Variants in STK3 observed in about 807,000 individuals in gnomAD.
The protein encoded by STK3 is serine/threonine-protein kinase 3.
A neutral mutation model predicts 58.0 loss-of-function variants in STK3; 41 were observed. That is an observed-to-expected ratio of 0.71 (90% CI 0.55 to 0.92). The LOEUF is 0.92. Among genes scored for constraint, STK3 ranks in the 40% least tolerant of loss-of-function variants. The pLI, the probability that STK3 is intolerant of heterozygous loss-of-function variation, is 0.00. For synonymous variants in STK3, 170 were observed against 191.0 expected (o/e 0.89, Z 0.91); for missense variants, 479 against 602.7 (o/e 0.79, Z 2.15).
chr8:98,356,284 A>G, the STK3 span, among the ~76,000 whole-genome samples: 1 of 152,284 alleles, frequency 6.6e-6, no homozygotes, highest in East Asian at 1.9e-4. Context: ...AAGGAGCAAT[A>G]AAGTTGGAGA....
At chr8:98,893,438 G>GAAAC (rs1343900624) in intron 1 of STK3, among the ~76,000 whole-genome samples, 69 of 75,200 alleles carry the variant, frequency 9.2e-4, no homozygotes, top group African/African-American at 4.1e-3. Context: ...AAGAAAGAAA[G>GAAAC]AAAGAAAGAA....
chr8:98,741,814 C>G (rs984316179), intron 4 of STK3, among the ~76,000 whole-genome samples: 10 of 152,126 alleles, frequency 6.6e-5, no homozygotes, highest in Admixed American at 3.9e-4. Context: ...TTGAAAGGAT[C>G]ATCAAAATTG....
rs12550371 is a variant in STK3 at position 98,734,247 on chromosome 8, T to C, written c.351+15029A>G. Among the ~76,000 whole-genome samples the C allele has an allele frequency of 3.7e-4, 56 of 152,286 alleles. No individual in the cohort carries two copies. In the South Asian group the frequency reaches 5.0e-3, roughly 14 times the overall value. On this transcript the variant is annotated intron_variant, in intron 4 of 10. Coordinates refer to ENST00000419617, the MANE Select transcript of STK3 (RefSeq NM_006281.4). ...TGGGTGGGAACGTAGAGCTAAACCA[T>C]ATCAACTGACAAGTAAAATGTAAAG... is the stretch of plus-strand genomic sequence containing the variant.
intron 10 of STK3, among the ~76,000 whole-genome samples, chr8:98,516,378 G>A (rs1824935690): frequency 6.6e-6 from 1 of 151,996 alleles, no homozygotes; most frequent in Non-Finnish European, 1.5e-5. Context: ...CATATCGAAA[G>A]AGCTGCTACT....
At chr8:98,898,006 T>A (rs1294402047) in intron 1 of STK3, among the ~76,000 whole-genome samples, 1 of 152,222 alleles carries the variant, frequency 6.6e-6, no homozygotes, top group East Asian at 1.9e-4. Flanking sequence ...CCTTTTATCT[T>A]CTGGGCCTCG....
At chr8:98,550,086 T>A (rs1057220531) in intron 8 of STK3, among the ~76,000 whole-genome samples, 1 of 150,850 alleles carries the variant, frequency 6.6e-6, no homozygotes, top group Non-Finnish European at 1.5e-5. Flanking sequence ...TTTATTCCAT[T>A]TTTAGTAGAA....
At chr8:98,353,701 C>G in the STK3 span, among the ~76,000 whole-genome samples, 1 of 152,148 alleles carries the variant, frequency 6.6e-6, no homozygotes, top group Non-Finnish European at 1.5e-5. Flanking sequence ...TCTATAAAAG[C>G]ATTTCCCAAC....
chr8:98,408,469 A>G (rs1313230157), intron 3 of STK3, among the ~76,000 whole-genome samples: 7 of 152,234 alleles, frequency 4.6e-5, no homozygotes, highest in Non-Finnish European at 8.8e-5. Context: ...TGCCACGGCC[A>G]TGAGAAAGAC....
intron 2 of STK3, among the ~76,000 whole-genome samples, chr8:98,770,220 T>C (rs1375266906): frequency 6.6e-6 from 1 of 152,154 alleles, no homozygotes; most frequent in South Asian, 2.1e-4. Flanking sequence ...TTCAGCAGCA[T>C]GCAGTGGTCC....
intron 4 of STK3, among the ~76,000 whole-genome samples, chr8:98,712,455 G>C (rs1250417700): frequency 6.6e-6 from 1 of 151,022 alleles, no homozygotes; most frequent in Non-Finnish European, 1.5e-5. Context: ...CAAGCAAATG[G>C]AAAACAAAAA....
chr8:98,620,925 A>ATTTTT (rs534225654), intron 6 of STK3, among the ~76,000 whole-genome samples: 3 of 130,266 alleles, frequency 2.3e-5, no homozygotes, highest in African/African-American at 5.7e-5. Flanking sequence ...AAAACAACTG[A>ATTTTT]TTTTTTTTTT....
rs184926415 is a variant in STK3 at position 98,721,995 on chromosome 8, C to T, written c.352-14684G>A. Among the ~76,000 whole-genome samples the T allele has an allele frequency of 9.2e-3, 1,402 of 151,954 alleles. 17 individuals carry two copies. The highest frequency in any genetic ancestry group is 0.032 in the African/African-American group (1,325 of 41,430). ...AGCAGGAAATACAGACTTAGAGACT[C>T]ATAAATGATCATAAAAAGCTCTTTC... is the stretch of plus-strand genomic sequence containing the variant. On this transcript the variant is annotated intron_variant, in intron 4 of 10. Coordinates refer to ENST00000419617, the MANE Select transcript of STK3 (RefSeq NM_006281.4).
At chr8:98,570,452 AT>A (rs1812868986) in intron 8 of STK3, among the ~76,000 whole-genome samples, 1 of 151,976 alleles carries the variant, frequency 6.6e-6, no homozygotes, top group Admixed American at 6.6e-5. Context: ...AAATATATTT[AT>A]TTTTAATTTT....
At chr8:98,872,303 T>A (rs1007136630) in intron 3 of STK3, among the ~76,000 whole-genome samples, 1 of 152,218 alleles carries the variant, frequency 6.6e-6, no homozygotes, top group African/African-American at 2.4e-5. Context: ...TATAAAATTC[T>A]CTTTTTTTGT....
downstream of STK3, among the ~76,000 whole-genome samples, chr8:98,396,473 C>T (rs1220945257): frequency 2.0e-5 from 3 of 152,160 alleles, no homozygotes; most frequent in African/African-American, 7.2e-5. Flanking sequence ...GTGGTTGACG[C>T]CATGGCTTGG....
intron 1 of STK3, among the ~76,000 whole-genome samples, chr8:98,779,754 G>A (rs59882694): frequency 0.022 from 3,314 of 152,218 alleles, 114 homozygotes; most frequent in African/African-American, 0.074. Flanking sequence ...TTTTACAGCT[G>A]CATCCTATTC....
downstream of STK3, among the ~76,000 whole-genome samples, chr8:98,454,025 T>G (rs1473079032): frequency 6.6e-6 from 1 of 152,232 alleles, no homozygotes; most frequent in Non-Finnish European, 1.5e-5. Context: ...CTTATCGTTC[T>G]TTTTATAATC....
chr8:98,839,325 A>C (rs1835874841), intron 3 of STK3, among the ~76,000 whole-genome samples: 1 of 152,148 alleles, frequency 6.6e-6, no homozygotes. Context: ...GTAGGACTAC[A>C]GCATGAACCA....
chr8:98,814,654 G>C (rs770591493), intron 1 of STK3, among the ~76,000 whole-genome samples: 27 of 152,164 alleles, frequency 1.8e-4, no homozygotes, highest in Admixed American at 3.9e-4. Context: ...CTACAAGCGT[G>C]AAACACCACA....
Sources: allele counts gnomAD v4.1 joint callset (sites outside exome capture counted in the v4.1 genomes callset), GRCh38; gene constraint gnomAD v4.1.1; transcripts MANE v1.5; gene names NCBI Gene and HGNC (gene_info 2026-07-23, HGNC 2026-07-21).